The following FBXO4 variants were observed in gnomAD, a reference collection of about 807,000 sequenced individuals.
FBXO4 encodes the protein F-box protein 4.
Under a neutral mutation model 43.7 loss-of-function variants are expected in FBXO4, and 36 were observed. The observed-to-expected ratio is 0.82, with a 90% CI of 0.63 to 1.09. The LOEUF (loss-of-function observed/expected upper bound fraction) is 1.09. Among genes scored for constraint, FBXO4 ranks in the 50% least tolerant of loss-of-function variants. FBXO4 has a pLI of 0.00. For synonymous variants in FBXO4, 180 were observed against 165.6 expected (o/e 1.09, Z -0.67); for missense variants, 435 against 474.1 (o/e 0.92, Z 0.77).
At chr5:41,965,673 A>G in the FBXO4 span, among the ~76,000 whole-genome samples, 2 of 152,192 alleles carry the variant, frequency 1.3e-5, no homozygotes, top group Admixed American at 6.5e-5. Context: ...AACAACAGAT[A>G]CTGGAGAGGA....
the FBXO4 span, among the ~76,000 whole-genome samples, chr5:42,012,120 A>T: frequency 3.9e-5 from 6 of 151,966 alleles, no homozygotes; most frequent in Non-Finnish European, 8.8e-5. Context: ...ATTAGTAGGA[A>T]CTCTGATGGG....
intron 3 of FBXO4, among the ~76,000 whole-genome samples, chr5:41,933,673 G>A (rs1325716345): frequency 6.6e-6 from 1 of 152,194 alleles, no homozygotes; most frequent in Non-Finnish European, 1.5e-5. Flanking sequence ...AGCTGCTACT[G>A]ATAAGATGAT....
chr5:41,992,616 T>C, the FBXO4 span, among the ~76,000 whole-genome samples: 1 of 152,238 alleles, frequency 6.6e-6, no homozygotes, highest in Non-Finnish European at 1.5e-5. Flanking sequence ...GATAAGACAG[T>C]CAATCAAAAA....
At chr5:42,024,039 TA>T in the FBXO4 span, among the ~76,000 whole-genome samples, 1 of 152,050 alleles carries the variant, frequency 6.6e-6, no homozygotes, top group African/African-American at 2.4e-5. Flanking sequence ...CCCTTACATT[TA>T]TTGTAAAACT....
chr5:41,993,443 A>AT, the FBXO4 span, among the ~76,000 whole-genome samples: 13 of 151,666 alleles, frequency 8.6e-5, no homozygotes, highest in East Asian at 5.8e-4. Context: ...CGTAGTTACA[A>AT]TTTTTTTTGT....
At chr5:41,990,526 G>C in the FBXO4 span, among the ~76,000 whole-genome samples, 31 of 152,124 alleles carry the variant, frequency 2.0e-4, no homozygotes, top group Non-Finnish European at 2.9e-4. Context: ...AATAATGTTT[G>C]AGCTAAGATC....
chr5:42,038,197 G>A, the FBXO4 span, among the ~76,000 whole-genome samples: 2 of 152,126 alleles, frequency 1.3e-5, no homozygotes, highest in African/African-American at 4.8e-5. Context: ...TTTGGGACAT[G>A]TGCCTTATCT....
chr5:41,971,139 AAAAC>A, the FBXO4 span, among the ~76,000 whole-genome samples: 1 of 151,944 alleles, frequency 6.6e-6, no homozygotes, highest in Admixed American at 6.6e-5. Context: ...AGTTACTAAA[AAAAC>A]AAAACCAGAT....
intron 1 of FBXO4, among the ~76,000 whole-genome samples, 194 bp from the exon 2 acceptor site, chr5:41,926,819 C>G (rs1751519313): frequency 6.6e-6 from 1 of 152,022 alleles, no homozygotes; most frequent in Non-Finnish European, 1.5e-5. Flanking sequence ...TTAACAACTA[C>G]GAAACTAAAA....
At chr5:41,982,257 A>G in the FBXO4 span, among the ~76,000 whole-genome samples, 1 of 152,140 alleles carries the variant, frequency 6.6e-6, no homozygotes, top group African/African-American at 2.4e-5. Context: ...TCCTTTGGGT[A>G]TATACCCAGT....
intron 3 of FBXO4, among the ~76,000 whole-genome samples, chr5:41,930,721 G>T (rs1440663373): frequency 6.7e-6 from 1 of 148,780 alleles, no homozygotes; most frequent in Non-Finnish European, 1.5e-5. Flanking sequence ...AGGCTGGAGT[G>T]CAGTGGCGCG....
downstream of FBXO4, among the ~76,000 whole-genome samples, chr5:41,945,303 A>G (rs561856148): frequency 6.6e-6 from 1 of 152,356 alleles, no homozygotes; most frequent in African/African-American, 2.4e-5. Context: ...GGAACATAGT[A>G]GATGCTTGGT....
the FBXO4 span, among the ~76,000 whole-genome samples, chr5:42,003,578 G>T: frequency 6.6e-6 from 1 of 152,106 alleles, no homozygotes; most frequent in African/African-American, 2.4e-5. Context: ...GTGCAGGTAT[G>T]TTACATATGT....
the FBXO4 span, among the ~76,000 whole-genome samples, chr5:41,994,633 G>A: frequency 6.6e-6 from 1 of 152,116 alleles, no homozygotes; most frequent in African/African-American, 2.4e-5. Flanking sequence ...CCTGTGTTGT[G>A]GAGTAGTAGA....
chr5:41,958,131 A>ATTTTTTT, the FBXO4 span, among the ~76,000 whole-genome samples: 1 of 128,826 alleles, frequency 7.8e-6, no homozygotes, highest in Non-Finnish European at 1.6e-5. Flanking sequence ...CTGTTAACAA[A>ATTTTTTT]TTTTTTTTTT....
At chr5:41,970,887 G>A in the FBXO4 span, among the ~76,000 whole-genome samples, 11 of 151,924 alleles carry the variant, frequency 7.2e-5, no homozygotes, top group Non-Finnish European at 1.3e-4. Flanking sequence ...AAAGCAACCA[G>A]ACAAATTCAG....
chr5:42,001,469 T>A, the FBXO4 span, among the ~76,000 whole-genome samples: 5 of 152,108 alleles, frequency 3.3e-5, no homozygotes, highest in Admixed American at 6.5e-5. Flanking sequence ...TGACCTGAAG[T>A]GATCCACCCC....
At chr5:42,022,858 T>G in the FBXO4 span, among the ~76,000 whole-genome samples, 20 of 152,060 alleles carry the variant, frequency 1.3e-4, no homozygotes, top group African/African-American at 4.8e-4. Flanking sequence ...AAGCTCAGAT[T>G]ATCTGGATAC....
At chr5:42,009,261 T>C in the FBXO4 span, among the ~76,000 whole-genome samples, 1 of 152,124 alleles carries the variant, frequency 6.6e-6, no homozygotes, top group Non-Finnish European at 1.5e-5. Flanking sequence ...TCTGACAAAG[T>C]CAGGCCAATT....
Sources: allele counts gnomAD v4.1 joint callset (sites outside exome capture counted in the v4.1 genomes callset), GRCh38; gene constraint gnomAD v4.1.1; transcripts MANE v1.5; gene names NCBI Gene and HGNC (gene_info 2026-07-23, HGNC 2026-07-21).